SHLD1: variants seen among roughly 807,000 people sequenced by gnomAD.
The protein encoded by SHLD1 is RINN1-REV7-interacting novel NHEJ regulator 3.
A neutral mutation model predicts 5.5 loss-of-function variants in SHLD1; 3 were observed. The ratio of observed to expected loss-of-function variants is 0.54; its 90% CI spans 0.25 to 1.40. The LOEUF (loss-of-function observed/expected upper bound fraction) is 1.40, where lower values mean the gene tolerates loss of function less well. Among genes scored for constraint, SHLD1 ranks in the 40% most tolerant of loss-of-function variants. The pLI is 0.15. For synonymous variants in SHLD1, 92 were observed against 94.3 expected (o/e 0.98, Z 0.14); for missense variants, 210 against 244.4 (o/e 0.86, Z 0.94).
At chr20:5,840,547 T>A (rs2087845524) in intron 2 of SHLD1, among the ~76,000 whole-genome samples, 1 of 152,200 alleles carries the variant, frequency 6.6e-6, no homozygotes, top group Admixed American at 6.5e-5. Context: ...GCGTCCTGAT[T>A]TAACAGTCAG....
chr20:5,801,695 C>T (rs1468272522), intron 2 of SHLD1, among the ~76,000 whole-genome samples: 1 of 152,012 alleles, frequency 6.6e-6, no homozygotes, highest in East Asian at 1.9e-4. Flanking sequence ...GGGAGTGGCT[C>T]CTGAAGATAT....
intron 2 of SHLD1, among the ~76,000 whole-genome samples, chr20:5,782,443 T>C (rs1479127090): frequency 6.6e-6 from 1 of 151,648 alleles, no homozygotes; most frequent in African/African-American, 2.4e-5. Flanking sequence ...GGACAAGGAG[T>C]TTTCTCTGAA....
intron 2 of SHLD1, among the ~76,000 whole-genome samples, chr20:5,822,551 CT>C (rs1281991026): frequency 6.6e-6 from 1 of 152,056 alleles, no homozygotes; most frequent in African/African-American, 2.4e-5. Flanking sequence ...AGTGTGTGTG[CT>C]TGTGTCCCTA....
In SHLD1 at chr20:5,856,516, A is replaced by G. The variant is rs1004900468; in HGVS notation, c.179-6508A>G. On this transcript the variant is annotated intron_variant, in intron 2 of 2. Transcript: ENST00000303142. ...AGAAAAAAGTGAGGCGTGGAGCAGG[A>G]AGATGCAGACTAGCCCAGATCCATG... Among the ~76,000 whole-genome samples the G allele has an allele frequency of 9.2e-5, 14 of 152,332 alleles. No individual in the cohort carries two copies. In the East Asian group the frequency reaches 2.7e-3, roughly 29 times the overall value.
At chr20:5,764,126 C>CAAAAA (rs766327106) in intron 1 of SHLD1, among the ~76,000 whole-genome samples, 3 of 53,242 alleles carry the variant, frequency 5.6e-5, no homozygotes, top group African/African-American at 7.8e-5. Context: ...GGCTCTGTCT[C>CAAAAA]AAAAAAAAAA....
Position 5,771,957 on chromosome 20 carries a change from C to G in SHLD1, c.-4-905C>G, listed in dbSNP as rs1467633960. 1.4e-5 allele frequency: 6 copies of G among 425,146 alleles called. No homozygotes were observed. In the East Asian group the frequency reaches 4.7e-4, roughly 33 times the overall value. The allele number at this position is 425,146 out of a possible 1,614,324, so 26.3% of individuals were successfully genotyped here. A position where few individuals can be genotyped will look rare whatever the true frequency, so the allele number is the denominator to read the frequency against. On this transcript the variant is annotated intron_variant, in intron 1 of 2. Transcript: ENST00000303142. ...TAGCACGGTCTCCGCTCACTGCAAC[C>G]TCCGCTTCGCAAGTTCAAGGGATTC...
chr20:5,781,139 T>TA (rs1187690021), intron 2 of SHLD1, among the ~76,000 whole-genome samples: 1 of 152,268 alleles, frequency 6.6e-6, no homozygotes, highest in African/African-American at 2.4e-5. Flanking sequence ...GAAATGATGG[T>TA]AAAATAAACA....
chr20:5,787,940 G>A (rs901926941), intron 2 of SHLD1, among the ~76,000 whole-genome samples: 1 of 152,094 alleles, frequency 6.6e-6, no homozygotes. Flanking sequence ...AAAGCCCCTG[G>A]CTTTTTTTCC....
intron 2 of SHLD1, among the ~76,000 whole-genome samples, chr20:5,801,824 G>A (rs1030360738): frequency 3.3e-5 from 5 of 152,120 alleles, no homozygotes; most frequent in African/African-American, 1.2e-4. Context: ...AAAATTAGGA[G>A]GAGTGCTCTA....
intron 2 of SHLD1, among the ~76,000 whole-genome samples, chr20:5,849,003 T>C (rs1373675579): frequency 6.6e-6 from 1 of 152,176 alleles, no homozygotes; most frequent in Admixed American, 6.5e-5. Flanking sequence ...GAAATGTTAA[T>C]TTGTATTAAA....
intron 2 of SHLD1, among the ~76,000 whole-genome samples, chr20:5,798,149 ATCAGCTGGGAGCCCAGCTGGGCTG>A (rs1322290242): frequency 6.6e-6 from 1 of 152,186 alleles, no homozygotes; most frequent in Non-Finnish European, 1.5e-5. Context: ...GATGCTAGTC[ATCAGCTGGGAGCCCAGCTGGGCTG>A]TCAGCTGAAG....
intron 2 of SHLD1, among the ~76,000 whole-genome samples, chr20:5,830,540 T>G: frequency 6.6e-6 from 1 of 151,838 alleles, no homozygotes; most frequent in Non-Finnish European, 1.5e-5. Flanking sequence ...AATACAAAAT[T>G]AGCCAGGCGT....
At chr20:5,776,407 G>A (rs370545510) in intron 2 of SHLD1, among the ~76,000 whole-genome samples, 2 of 151,980 alleles carry the variant, frequency 1.3e-5, no homozygotes, top group African/African-American at 4.8e-5. Flanking sequence ...TAGAGAGAGA[G>A]CCTCTTTCTC....
chr20:5,810,134 G>A (rs2087438511), intron 2 of SHLD1, among the ~76,000 whole-genome samples: 2 of 151,956 alleles, frequency 1.3e-5, no homozygotes, highest in Non-Finnish European at 2.9e-5. Context: ...CTGCGCGCCT[G>A]TAATCGCAGC....
intron 2 of SHLD1, among the ~76,000 whole-genome samples, chr20:5,837,672 C>T (rs1201820415): frequency 2.0e-5 from 3 of 152,190 alleles, no homozygotes; most frequent in Non-Finnish European, 4.4e-5. Context: ...TGCACTGACT[C>T]CCCAAAACTT....
intron 2 of SHLD1, among the ~76,000 whole-genome samples, chr20:5,850,712 A>G (rs936274312): frequency 6.6e-6 from 1 of 151,874 alleles, no homozygotes; most frequent in Admixed American, 6.6e-5. Flanking sequence ...GGGTTTCACC[A>G]TGTTGGCCAG....
intron 2 of SHLD1, among the ~76,000 whole-genome samples, chr20:5,786,362 A>T (rs1456946938): frequency 9.2e-5 from 14 of 152,190 alleles, no homozygotes; most frequent in African/African-American, 3.1e-4. Context: ...GGTTCGCTTG[A>T]AGCCAGGAGT....
chr20:5,785,641 C>A (rs1477650237), intron 2 of SHLD1, among the ~76,000 whole-genome samples: 3 of 151,826 alleles, frequency 2.0e-5, no homozygotes, highest in Non-Finnish European at 4.4e-5. Context: ...ACTAAAAATA[C>A]AAAAATTAGC....
At chr20:5,801,138 T>C (rs1451391480) in intron 2 of SHLD1, among the ~76,000 whole-genome samples, 4 of 150,202 alleles carry the variant, frequency 2.7e-5, no homozygotes, top group African/African-American at 9.8e-5. Context: ...AGTGCAGTGG[T>C]GCGATCTTGG....
Sources: gnomAD v4.1 joint callset for allele counts (sites outside exome capture counted in the v4.1 genomes callset) on GRCh38, gnomAD v4.1.1 for gene constraint, MANE v1.5 for transcripts, NCBI Gene and HGNC (gene_info 2026-07-23, HGNC 2026-07-21) for gene names.